The following XRCC2 variants were observed in gnomAD, a reference collection of about 807,000 sequenced individuals.
The protein encoded by XRCC2 is X-ray repair cross complementing 2, also known as DNA repair protein XRCC2.
In XRCC2, 24 loss-of-function variants were observed where a neutral mutation model predicts 27.3. That is an observed-to-expected ratio of 0.88 (90% CI 0.64 to 1.24). The LOEUF is 1.24. Ranked by LOEUF, XRCC2 falls within the 50% of genes most tolerant of loss-of-function variation. The pLI, the probability that XRCC2 is intolerant of heterozygous loss-of-function variation, is 0.00. For synonymous variants in XRCC2, 106 were observed against 115.4 expected (o/e 0.92, Z 0.52); for missense variants, 321 against 325.8 (o/e 0.99, Z 0.11).
intron 1 of XRCC2, 89 bp from the exon 2 acceptor site, chr7:152,660,871 A>T (rs2116999792): frequency 8.5e-7 from 1 of 1,174,038 alleles, no homozygotes; most frequent in East Asian, 2.5e-5. Flanking sequence ...AAAGTCTGTA[A>T]GATTTCATAA....
In XRCC2 at chr7:152,657,336, G is replaced by T. The variant is rs140788927; in HGVS notation, c.121+3365C>A. 2.3e-3 allele frequency among the ~76,000 whole-genome samples: 356 copies of T among 151,914 alleles called. 3 individuals carry two copies. Among genetic ancestry groups the T allele is most frequent in the African/African-American group, 8.2e-3 (338 of 41,442 alleles). ...GTTGTTTTTGCGACAGTCTTGCTCTGTTGCCCAGGCTGGAGTGCAGTGGTG... is the reference window on the plus strand; with the variant it reads ...GTTGTTTTTGCGACAGTCTTGCTCTTTTGCCCAGGCTGGAGTGCAGTGGTG... On this transcript the variant is annotated intron_variant, in intron 2 of 2. Coordinates refer to ENST00000359321, the MANE Select transcript of XRCC2 (RefSeq NM_005431.2).
chr7:152,651,167 T>C (rs1395449645), intron 2 of XRCC2, among the ~76,000 whole-genome samples: 2 of 150,240 alleles, frequency 1.3e-5, no homozygotes, highest in Admixed American at 1.3e-4. Flanking sequence ...CTCGAACTCC[T>C]GACCTCAGGT....
Position 152,649,040 on chromosome 7 carries a change from C to T in XRCC2, c.445G>A (p.Asp149Asn). ...SHPSLCLLILDSLSAFYWIDR... is the reference protein window; with the variant it reads ...SHPSLCLLILNSLSAFYWIDR... ...ATCCAGTAAAAAGCTGACAGGCTAT[C>T]CAAAATCAAAAGGCAGAGAGATGGG... Residue 149 changes from aspartate (D) to asparagine (N), a missense_variant, in exon 3 of 3, where the codon GAT becomes AAT. Asp to Asn is a conservative substitution (Grantham distance 23). Transcript: ENST00000359321. 6.2e-7 allele frequency: 1 copy of T among 1,614,114 alleles called. No individual in the cohort carries two copies. Among genetic ancestry groups the T allele is most frequent in the Non-Finnish European group, 8.5e-7 (1 of 1,180,020 alleles).
At chr7:152,664,342 A>C (rs2098034673) in intron 1 of XRCC2, among the ~76,000 whole-genome samples, 1 of 152,204 alleles carries the variant, frequency 6.6e-6, no homozygotes, top group African/African-American at 2.4e-5. Flanking sequence ...ATGCCCAAAT[A>C]GCTGGTAAAG....
intron 1 of XRCC2, among the ~76,000 whole-genome samples, chr7:152,664,470 T>G (rs994476326): frequency 2.0e-5 from 3 of 152,168 alleles, no homozygotes; most frequent in Non-Finnish European, 4.4e-5. Context: ...CCCTCTTTTC[T>G]TGAACTGGGA....
chr7:152,666,713 G>A (rs2098035884), intron 1 of XRCC2, among the ~76,000 whole-genome samples: 1 of 151,784 alleles, frequency 6.6e-6, no homozygotes, highest in South Asian at 2.1e-4. Flanking sequence ...TACCTCCTGG[G>A]TTGAAGCGAT....
rs915397096 is a variant in XRCC2 at position 152,647,571 on chromosome 7, G to A, written c.*1071C>T. The A allele has an allele frequency of 2.0e-5, 3 of 152,122 alleles. No individual in the cohort carries two copies. Among genetic ancestry groups the A allele is most frequent in the East Asian group, 1.9e-4 (1 of 5,194 alleles). The allele number at this position is 152,122 out of a possible 1,614,324, so 9.4% of individuals were successfully genotyped here. On this transcript the variant is annotated 3_prime_UTR_variant, in exon 3 of 3. Transcript: ENST00000359321. Reference sequence around the variant, plus strand: ...TTTAATCCATCTTGAGTTAATTTTTGTATATGGCATAAGGAAGGCGTCCAT... The same window carrying A: ...TTTAATCCATCTTGAGTTAATTTTTATATATGGCATAAGGAAGGCGTCCAT...
intron 2 of XRCC2, among the ~76,000 whole-genome samples, chr7:152,652,380 A>G (rs3218521): frequency 0.022 from 3,313 of 152,126 alleles, 107 homozygotes; most frequent in African/African-American, 0.074. Context: ...GATAGAGAAC[A>G]AGGGACCATG....
rs1032328617 is a variant in XRCC2, at chr7:152,646,616, A to G, written c.*2026T>C. The G allele has an allele frequency of 6.6e-6, 1 of 152,222 alleles. No homozygotes were observed. Among genetic ancestry groups the G allele is most frequent in the Non-Finnish European group, 1.5e-5 (1 of 68,106 alleles). The allele number at this position is 152,222 out of a possible 1,614,324, so 9.4% of individuals were successfully genotyped here. On this transcript the variant is annotated 3_prime_UTR_variant, in exon 3 of 3. Transcript: ENST00000359321. ...CTCGGCCTCCTGAGTAGCTGGCACT[A>G]CAGGCACGCACCACCATGCCCAGCT...
intron 2 of XRCC2, among the ~76,000 whole-genome samples, chr7:152,649,585 C>T (rs2098027656): frequency 6.6e-6 from 1 of 152,138 alleles, no homozygotes; most frequent in South Asian, 2.1e-4. Flanking sequence ...TCCGGCCAGG[C>T]TCACATGCAC....
chr7:152,660,780 G>A lies in XRCC2; in HGVS notation c.42C>T (p.Leu14=), dbSNP rs751479865. The change falls in exon 2 of 3, where the codon CTC becomes CTT. Residue 14 remains leucine (L), a splice_region_variant and synonymous_variant. Coordinates refer to ENST00000359321, the MANE Select transcript of XRCC2 (RefSeq NM_005431.2). ...AFHRAESGTE[L]LARLEGRSSL... The stretch of plus-strand genomic sequence containing the variant: ...AACTTCTACCTTCAAGTCGGGCAAG[G>A]AGCTTATAAAAGAAGAGAGAAGGAA... The A allele has an allele frequency of 1.2e-6, 2 of 1,609,002 alleles. No homozygotes were observed. Among genetic ancestry groups the A allele is most frequent in the Middle Eastern group, 1.7e-4 (1 of 6,034 alleles).
chr7:152,650,040 A>G (rs1211275282), intron 2 of XRCC2, among the ~76,000 whole-genome samples: 1 of 152,222 alleles, frequency 6.6e-6, no homozygotes, highest in Non-Finnish European at 1.5e-5. Context: ...TGTGCCACTC[A>G]GGATGTGAGG....
At chr7:152,674,203 T>A (rs1481084832) in intron 1 of XRCC2, among the ~76,000 whole-genome samples, 1 of 152,214 alleles carries the variant, frequency 6.6e-6, no homozygotes, top group Non-Finnish European at 1.5e-5. Flanking sequence ...GCAAAGGATA[T>A]GATGTTAAAT....
Position 152,645,815 on chromosome 7 carries a change from G to A in XRCC2, c.*2827C>T, listed in dbSNP as rs573782028. 2 of 152,206 alleles carry A rather than the reference G, an allele frequency of 1.3e-5. No homozygotes were observed. The highest frequency in any genetic ancestry group is 2.9e-5 in the Non-Finnish European group (2 of 68,040). 9.4% of individuals were successfully genotyped at this position (152,206 alleles called of 1,614,324 possible). On this transcript the variant is annotated 3_prime_UTR_variant, in exon 3 of 3. Coordinates refer to ENST00000359321, the MANE Select transcript of XRCC2 (RefSeq NM_005431.2). The stretch of plus-strand genomic sequence containing the variant: ...CACCTGTAATCACAGCTACTTTGGA[G>A]GCTGAGGTGGAGGCTCACTGGAACC...
At chr7:152,658,343 G>A (rs910299492) in intron 2 of XRCC2, among the ~76,000 whole-genome samples, 2 of 152,060 alleles carry the variant, frequency 1.3e-5, no homozygotes, top group East Asian at 3.9e-4. Flanking sequence ...GTAGAGACGG[G>A]GTTTCACCAT....
chr7:152,649,470 GAA>G, intron 2 of XRCC2, 107 bp from the exon 3 acceptor site: 1 of 1,366,556 alleles, frequency 7.3e-7, no homozygotes, highest in South Asian at 1.6e-5. Flanking sequence ...GAATGTGAAA[GAA>G]AATCTAAATT....
At chr7:152,664,768 G>A (rs2098034850) in intron 1 of XRCC2, among the ~76,000 whole-genome samples, 1 of 152,148 alleles carries the variant, frequency 6.6e-6, no homozygotes, top group Non-Finnish European at 1.5e-5. Flanking sequence ...AGGCCCCAAG[G>A]AATGTCCAGG....
intron 1 of XRCC2, among the ~76,000 whole-genome samples, chr7:152,674,135 C>T (rs113083250): frequency 0.013 from 2,006 of 152,156 alleles, 42 homozygotes; most frequent in African/African-American, 0.046. Flanking sequence ...ACCATTCCAC[C>T]CCACTCCACT....
intron 1 of XRCC2, among the ~76,000 whole-genome samples, chr7:152,675,185 C>T (rs1037357549): frequency 1.3e-5 from 2 of 152,066 alleles, no homozygotes; most frequent in African/African-American, 4.8e-5. Context: ...CTAAATTAGC[C>T]ATGCTCTTGC....
Sources: gnomAD v4.1 joint callset for allele counts (sites outside exome capture counted in the v4.1 genomes callset) on GRCh38, gnomAD v4.1.1 for gene constraint, MANE v1.5 for transcripts, NCBI Gene and HGNC (gene_info 2026-07-23, HGNC 2026-07-21) for gene names.